MTMR3: variants seen among roughly 807,000 people sequenced by gnomAD.
MTMR3 encodes the protein myotubularin related protein 3, also known as phosphatidylinositol-3,5-bisphosphate 3-phosphatase MTMR3.
In MTMR3, 32 loss-of-function variants were observed where a neutral mutation model predicts 132.4. That is an observed-to-expected ratio of 0.24 (90% CI 0.18 to 0.32). The LOEUF (loss-of-function observed/expected upper bound fraction) is 0.32. Among genes scored for constraint, MTMR3 ranks in the 10% least tolerant of loss-of-function variants. The probability of loss-of-function intolerance (pLI) is 1.00; values close to 1 mark genes in which losing one functional copy is unlikely to be tolerated. For missense variants in MTMR3, 1,216 were observed against 1,489.6 expected, an observed-to-expected ratio of 0.82 and a Z score of 3.02; for synonymous variants, 556 against 550.3, an observed-to-expected ratio of 1.01 and a Z score of -0.14.
intron 1 of MTMR3, among the ~76,000 whole-genome samples, chr22:29,916,527 A>G (rs962230277): frequency 6.7e-6 from 1 of 150,032 alleles, no homozygotes; most frequent in Non-Finnish European, 1.5e-5. Context: ...CATAAGGCAC[A>G]GGTAATTTGC....
chr22:29,964,415 T>A (rs972638145), intron 2 of MTMR3, among the ~76,000 whole-genome samples: 1 of 152,248 alleles, frequency 6.6e-6, no homozygotes, highest in African/African-American at 2.4e-5. Flanking sequence ...CTTTAGCAAG[T>A]ACTTGATTCT....
chr22:29,919,690 T>TA lies in MTMR3; in HGVS notation c.-138+36344dup, dbSNP rs879675613. On this transcript the variant is annotated intron_variant, in intron 1 of 19. Transcript: ENST00000401950. The stretch of plus-strand genomic sequence containing the variant: ...GGCATGTGCCACCATGCCTAGCTAA[T>TA]AAAAAAAAAAAAAGTTTTGTAGAGA... Among the ~76,000 whole-genome samples, 1,133 of 140,202 alleles carry TA rather than the reference T, an allele frequency of 8.1e-3. 10 individuals are homozygous for TA. The highest frequency in any genetic ancestry group is 0.025 in the African/African-American group (973 of 38,364). 92.0% of individuals were successfully genotyped at this position (140,202 alleles called of 152,430 possible). A position where few individuals can be genotyped will look rare whatever the true frequency, so the allele number is the denominator to read the frequency against.
chr22:29,938,751 G>A (rs2065798954), intron 1 of MTMR3, among the ~76,000 whole-genome samples: 1 of 152,122 alleles, frequency 6.6e-6, no homozygotes, highest in Admixed American at 6.5e-5. Flanking sequence ...TGTTTGCTCA[G>A]GACCAGCTGC....
chr22:29,899,107 T>C (rs1431375082), intron 1 of MTMR3, among the ~76,000 whole-genome samples: 1 of 152,182 alleles, frequency 6.6e-6, no homozygotes, highest in Non-Finnish European at 1.5e-5. Context: ...ATTTATAGCA[T>C]TTACCTCCAG....
chr22:29,970,905 A>G lies in MTMR3; in HGVS notation c.-84-71A>G, dbSNP rs191516634. On this transcript the variant is annotated intron_variant, in intron 2 of 19. Transcript: ENST00000401950. Reference sequence around the variant, plus strand: ...TGTGAGGATATGGCCGATTAGGGGAAAAACTATTGCCAATTTTGCCTCCCC... The same window carrying G: ...TGTGAGGATATGGCCGATTAGGGGAGAAACTATTGCCAATTTTGCCTCCCC... The G allele has an allele frequency of 7.5e-6, 5 of 667,008 alleles. No homozygotes were observed. In the African/African-American group the frequency reaches 9.2e-5, roughly 12 times the overall value. The allele number at this position is 667,008 out of a possible 1,614,324, so 41.3% of individuals were successfully genotyped here. A position where few individuals can be genotyped will look rare whatever the true frequency, so the allele number is the denominator to read the frequency against.
intron 5 of MTMR3, chr22:29,986,559 T>G: frequency 1.0e-6 from 1 of 984,566 alleles, no homozygotes; most frequent in African/African-American, 1.7e-5. Context: ...GTTGCATCAG[T>G]TGCAGTTTCT....
At chr22:29,908,369 A>G (rs985695411) in intron 1 of MTMR3, among the ~76,000 whole-genome samples, 3 of 152,200 alleles carry the variant, frequency 2.0e-5, no homozygotes, top group African/African-American at 7.2e-5. Context: ...GAAGAAACCA[A>G]AGCAAGACCA....
At chr22:30,007,529 T>G (rs2067298331) in intron 10 of MTMR3, 4 of 613,610 alleles carry the variant, frequency 6.5e-6, no homozygotes, top group African/African-American at 1.8e-5. Context: ...TTAGTGTGTT[T>G]GTTGTCTTTC....
chr22:29,957,118 C>G (rs2066208878), intron 2 of MTMR3, 30 bp downstream of exon 2: 2 of 152,076 alleles, frequency 1.3e-5, no homozygotes, highest in African/African-American at 4.8e-5. Flanking sequence ...CCTGCCACCC[C>G]CGCCCCCCTC....
intron 5 of MTMR3, chr22:29,987,098 A>G (rs1313246085): frequency 1.3e-5 from 2 of 152,160 alleles, no homozygotes; most frequent in Non-Finnish European, 2.9e-5. Context: ...GGGAATTTTT[A>G]TAGACTGTAG....
chr22:29,978,693 T>G (rs190238997), intron 4 of MTMR3, among the ~76,000 whole-genome samples, 162 bp downstream of exon 4: 1 of 152,208 alleles, frequency 6.6e-6, no homozygotes, highest in Admixed American at 6.5e-5. Context: ...ACTTATTTCC[T>G]GAGAATCCAC....
chr22:29,947,070 T>C (rs925651394), intron 1 of MTMR3, among the ~76,000 whole-genome samples: 3 of 152,176 alleles, frequency 2.0e-5, no homozygotes. Context: ...AAGGTTCTTA[T>C]GTTTCCAGCA....
chr22:29,898,101 G>A (rs995494107), intron 1 of MTMR3, among the ~76,000 whole-genome samples: 2 of 151,938 alleles, frequency 1.3e-5, no homozygotes, highest in African/African-American at 4.8e-5. Flanking sequence ...TCAGCCTCTC[G>A]AGTAGCTGGG....
chr22:29,896,904 T>C (rs77164436), intron 1 of MTMR3, among the ~76,000 whole-genome samples: 9,880 of 64,226 alleles, frequency 0.15, 459 homozygotes, highest in South Asian at 0.37. Context: ...CACACACACA[T>C]ACACACACAC....
intron 3 of MTMR3, among the ~76,000 whole-genome samples, chr22:29,975,046 T>C (rs376212785): frequency 6.6e-6 from 1 of 152,304 alleles, no homozygotes; most frequent in African/African-American, 2.4e-5. Flanking sequence ...GGCTCACCTT[T>C]CATAGATTAG....
chr22:30,023,034 T>C (rs2145982498), intron 19 of MTMR3: 1 of 403,348 alleles, frequency 2.5e-6, no homozygotes, highest in African/African-American at 2.0e-5. Context: ...GCAAAACCAG[T>C]TTTCCTGCGA....
chr22:29,966,935 G>A (rs924264938), intron 2 of MTMR3, among the ~76,000 whole-genome samples: 4 of 152,062 alleles, frequency 2.6e-5, no homozygotes, highest in Non-Finnish European at 5.9e-5. Flanking sequence ...CTTACCCTCA[G>A]TAGTCTTTTA....
chr22:30,020,068 G>T lies in MTMR3; in HGVS notation c.2409G>T (p.Glu803Asp), dbSNP rs181039914. Reference protein sequence around the residue: ...VEQFRIEEIAEGREEAVLPIP... With the variant: ...VEQFRIEEIADGREEAVLPIP... ...AGTTTCGAATAGAAGAGATTGCAGA[G>T]GGTAGGGAGGAAGCAGTTCTTCCAA... Residue 803 changes from glutamate to aspartate, a missense_variant, in exon 17 of 20, where the codon GAG becomes GAT. Around this residue, in one of 7 missense-constraint regions of MTMR3, gnomAD observed 852 missense variants for 852.0 expected, o/e 1.00. Transcript: ENST00000401950. 195 of 1,614,212 alleles carry T rather than the reference G, an allele frequency of 1.2e-4. No individual in the cohort carries two copies. The highest frequency in any genetic ancestry group is 1.4e-5 in the Non-Finnish European group (16 of 1,180,038).
intron 2 of MTMR3, among the ~76,000 whole-genome samples, chr22:29,965,348 T>A (rs1414335653): frequency 6.6e-6 from 1 of 152,112 alleles, no homozygotes; most frequent in Non-Finnish European, 1.5e-5. Flanking sequence ...ATGTTTAAAT[T>A]GAGACTTTTA....
Sources: gnomAD v4.1 joint callset for allele counts (sites outside exome capture counted in the v4.1 genomes callset) on GRCh38, gnomAD v4.1.1 for gene constraint, gnomAD v4.1.1 regional missense constraint, MANE v1.5 for transcripts, NCBI Gene and HGNC (gene_info 2026-07-23, HGNC 2026-07-21) for gene names.